Variants in CLASP2 observed in about 807,000 individuals in gnomAD.
CLASP2 encodes the protein cytoplasmic linker associated protein 2, also known as CLIP-associating protein 2.
Under a neutral mutation model 194.4 loss-of-function variants are expected in CLASP2, and 47 were observed. That is an observed-to-expected ratio of 0.24 (90% CI 0.19 to 0.31). The LOEUF is 0.31. Ranked by LOEUF, CLASP2 falls within the 10% of genes least tolerant of loss-of-function variation. The pLI is 1.00. For synonymous variants in CLASP2, 619 were observed against 633.5 expected (o/e 0.98, Z 0.34); for missense variants, 1,445 against 1,823.6 (o/e 0.79, Z 3.78).
chr3:33,568,478 C>T (rs560942293), intron 26 of CLASP2, among the ~76,000 whole-genome samples: 19 of 146,152 alleles, frequency 1.3e-4, no homozygotes, highest in African/African-American at 3.8e-4. Flanking sequence ...CGCTTGAACC[C>T]GGGAGGCGGA....
chr3:33,560,182 C>A (rs763341683), intron 28 of CLASP2, among the ~76,000 whole-genome samples: 1 of 151,694 alleles, frequency 6.6e-6, no homozygotes, highest in East Asian at 1.9e-4. Context: ...ACAGAAAATA[C>A]TTTTTATAGT....
At chr3:33,505,368 G>A (rs1575599002) in intron 37 of CLASP2, 2 of 152,166 alleles carry the variant, frequency 1.3e-5, no homozygotes, top group East Asian at 3.9e-4. Context: ...TACTGAGCAT[G>A]GGGGATGGTA....
intron 13 of CLASP2, among the ~76,000 whole-genome samples, chr3:33,611,322 T>C (rs1447541705): frequency 6.6e-6 from 1 of 152,236 alleles, no homozygotes; most frequent in Non-Finnish European, 1.5e-5. Context: ...TTATGTAATC[T>C]TCCTCATTTT....
At chr3:33,679,204 G>C (rs1485490040) in intron 6 of CLASP2, among the ~76,000 whole-genome samples, 1 of 152,102 alleles carries the variant, frequency 6.6e-6, no homozygotes, top group African/African-American at 2.4e-5. Context: ...CATGAATCTA[G>C]ATACAGACCT....
intron 6 of CLASP2, among the ~76,000 whole-genome samples, chr3:33,667,425 AAAAGAC>A (rs1162037386): frequency 2.0e-5 from 3 of 151,056 alleles, no homozygotes; most frequent in African/African-American, 7.3e-5. Context: ...AAAAAAAAAA[AAAAGAC>A]ATTTGATTTG....
chr3:33,679,658 G>A (rs1435980845), intron 6 of CLASP2, among the ~76,000 whole-genome samples: 1 of 152,170 alleles, frequency 6.6e-6, no homozygotes, highest in East Asian at 1.9e-4. Context: ...TAGGTCATCA[G>A]GGAAATGCAA....
chr3:33,643,893 T>C (rs1211032201), intron 8 of CLASP2, among the ~76,000 whole-genome samples: 1 of 152,022 alleles, frequency 6.6e-6, no homozygotes, highest in Non-Finnish European at 1.5e-5. Flanking sequence ...CTCAAGACCA[T>C]GATTTTCTCA....
intron 8 of CLASP2, among the ~76,000 whole-genome samples, chr3:33,633,058 GT>G (rs2079399514): frequency 6.6e-6 from 1 of 152,160 alleles, no homozygotes; most frequent in African/African-American, 2.4e-5. Context: ...GAAGGGAACT[GT>G]TTCTTCCTGA....
chr3:33,549,230 T>C (rs1435129014), intron 30 of CLASP2, among the ~76,000 whole-genome samples: 1 of 152,260 alleles, frequency 6.6e-6, no homozygotes, highest in Non-Finnish European at 1.5e-5. Context: ...TCATTAACTT[T>C]TGCTTTAATC....
At chr3:33,524,982 T>C (rs1343257258) in intron 34 of CLASP2, among the ~76,000 whole-genome samples, 6 of 152,132 alleles carry the variant, frequency 3.9e-5, no homozygotes, top group Admixed American at 1.3e-4. Context: ...AACAGACATA[T>C]ATGGTGCACA....
intron 7 of CLASP2, among the ~76,000 whole-genome samples, chr3:33,660,349 T>C (rs1473717713): frequency 6.6e-6 from 1 of 152,222 alleles, no homozygotes; most frequent in Non-Finnish European, 1.5e-5. Flanking sequence ...GCAGAGCTAA[T>C]TCTACTGCAT....
At chr3:33,630,819 C>A (rs773470420) in intron 9 of CLASP2, among the ~76,000 whole-genome samples, 1 of 152,116 alleles carries the variant, frequency 6.6e-6, no homozygotes, top group Non-Finnish European at 1.5e-5. Flanking sequence ...ACCAGTCTGA[C>A]AAGAACATAT....
chr3:33,532,870 G>C (rs1439593420), intron 34 of CLASP2, among the ~76,000 whole-genome samples: 1 of 152,060 alleles, frequency 6.6e-6, no homozygotes, highest in Non-Finnish European at 1.5e-5. Context: ...TCTTGATTTT[G>C]ATGAGTATTT....
chr3:33,665,824 T>C (rs2086082425), intron 6 of CLASP2, among the ~76,000 whole-genome samples: 1 of 152,122 alleles, frequency 6.6e-6, no homozygotes, highest in African/African-American at 2.4e-5. Context: ...ATTATACATA[T>C]AATTTGGTGA....
At chr3:33,565,206 G>A (rs369570285) in intron 27 of CLASP2, among the ~76,000 whole-genome samples, 3 of 152,034 alleles carry the variant, frequency 2.0e-5, no homozygotes, top group Admixed American at 2.0e-4. Flanking sequence ...CTGAGACGGA[G>A]TCTCACCTAT....
chr3:33,688,306 C>G lies in CLASP2; in HGVS notation c.441G>C (p.Val147=), dbSNP rs1296247393. ...TTAAGGTTTCAATAAGACACAGACA[C>G]ACGCCTTCTCGAGATCGAAAATTCT... ...KHKNFRSREG[V]CLCLIETLNI... Residue 147 remains valine, a synonymous_variant, in exon 4 of 39, where the codon GTG becomes GTC. Transcript: ENST00000682230. 3.1e-6 allele frequency: 5 copies of G among 1,590,556 alleles called. No individual in the cohort carries two copies. The highest frequency in any genetic ancestry group is 4.3e-6 in the Non-Finnish European group (5 of 1,167,518).
intron 22 of CLASP2, among the ~76,000 whole-genome samples, chr3:33,583,972 A>T (rs2066746999): frequency 6.6e-6 from 1 of 152,184 alleles, no homozygotes; most frequent in Non-Finnish European, 1.5e-5. Flanking sequence ...TAATTAGTCA[A>T]TCCTGAAGGC....
chr3:33,592,677 C>A, intron 20 of CLASP2, 181 bp from the exon 21 acceptor site: 1 of 649,890 alleles, frequency 1.5e-6, no homozygotes, highest in East Asian at 2.9e-5. Flanking sequence ...CGTGTTATAC[C>A]ATAAGCTAAT....
At position 33,718,108 on chromosome 3, in the gene CLASP2, G is replaced by T; in HGVS notation, c.-106C>A. ...CGCGGGAGCGGGCGGGACTCACTTA[G>T]CCCGCCAGGGGCGCGGCTTGCGGGG... On this transcript the variant is annotated 5_prime_UTR_variant, in exon 1 of 39. Transcript: ENST00000682230. 1 of 1,183,828 alleles carries T rather than the reference G, an allele frequency of 8.4e-7. No homozygotes were observed. The highest frequency in any genetic ancestry group is 1.1e-6 in the Non-Finnish European group (1 of 903,164). 73.3% of individuals were successfully genotyped at this position (1,183,828 alleles called of 1,614,324 possible).
Sources: allele counts gnomAD v4.1 joint callset (sites outside exome capture counted in the v4.1 genomes callset), GRCh38; gene constraint gnomAD v4.1.1; transcripts MANE v1.5; gene names NCBI Gene and HGNC (gene_info 2026-07-23, HGNC 2026-07-21).